The following TMEM117 variants were observed in gnomAD, a reference collection of about 807,000 sequenced individuals.
TMEM117 encodes transmembrane protein 117.
In TMEM117, 27 loss-of-function variants were observed where a neutral mutation model predicts 52.4. The observed-to-expected ratio is 0.51, with a 90% CI of 0.38 to 0.71. The LOEUF (loss-of-function observed/expected upper bound fraction) is 0.71. Ranked by LOEUF, TMEM117 falls within the 30% of genes least tolerant of loss-of-function variation. The pLI is 0.00. For synonymous variants in TMEM117, 215 were observed against 206.3 expected (o/e 1.04, Z -0.36); for missense variants, 556 against 630.5 (o/e 0.88, Z 1.26).
intron 4 of TMEM117, among the ~76,000 whole-genome samples, chr12:44,188,486 A>G (rs11834865): frequency 0.015 from 2,249 of 152,280 alleles, 37 homozygotes; most frequent in African/African-American, 0.051. Flanking sequence ...CAGAGAGCAA[A>G]GGAGGTTCTT....
chr12:43,805,279 T>C, the TMEM117 span, among the ~76,000 whole-genome samples: 1 of 152,262 alleles, frequency 6.6e-6, no homozygotes, highest in African/African-American at 2.4e-5. Flanking sequence ...TACATATTTA[T>C]ATATCGAAAT....
intron 1 of TMEM117, among the ~76,000 whole-genome samples, chr12:43,842,587 A>G (rs1238225996): frequency 6.6e-6 from 1 of 152,144 alleles, no homozygotes; most frequent in Non-Finnish European, 1.5e-5. Context: ...CTTGGAGGCT[A>G]TCTCAGATCT....
At chr12:44,397,222 A>T in the TMEM117 span, among the ~76,000 whole-genome samples, 1 of 152,184 alleles carries the variant, frequency 6.6e-6, no homozygotes, top group African/African-American at 2.4e-5. Flanking sequence ...CTGAAACAAG[A>T]GTGCAATATC....
At chr12:43,955,129 G>T (rs572662184) in intron 3 of TMEM117, among the ~76,000 whole-genome samples, 2 of 152,208 alleles carry the variant, frequency 1.3e-5, no homozygotes, top group Admixed American at 1.3e-4. Flanking sequence ...GAAGGAACAT[G>T]CCTCAAAATA....
intron 4 of TMEM117, among the ~76,000 whole-genome samples, chr12:44,168,406 T>G (rs1248138863): frequency 6.6e-6 from 1 of 152,256 alleles, no homozygotes; most frequent in East Asian, 1.9e-4. Context: ...TGTGATTTAT[T>G]TTCTTTATAA....
chr12:44,200,046 G>C (rs191767968), intron 4 of TMEM117, among the ~76,000 whole-genome samples: 1 of 152,254 alleles, frequency 6.6e-6, no homozygotes, highest in African/African-American at 2.4e-5. Flanking sequence ...TTGAACCCTG[G>C]AGATGGAGGT....
At chr12:44,143,733 T>C (rs573366122) in intron 4 of TMEM117, 109 bp downstream of exon 4, 2 of 702,230 alleles carry the variant, frequency 2.8e-6, no homozygotes, top group Non-Finnish European at 4.7e-6. Flanking sequence ...TACCTCTCTT[T>C]GAGTGAAACA....
chr12:43,944,919 T>C (rs1378220796), intron 3 of TMEM117, among the ~76,000 whole-genome samples: 6 of 152,058 alleles, frequency 3.9e-5, no homozygotes, highest in African/African-American at 1.2e-4. Flanking sequence ...GAGACCATCC[T>C]AGCCAACATG....
the TMEM117 span, chr12:43,805,863 G>C: frequency 7.0e-7 from 1 of 1,424,510 alleles, no homozygotes; most frequent in Non-Finnish European, 9.4e-7. Context: ...AGCCCCAGTC[G>C]CCTCCACTGT....
intron 3 of TMEM117, among the ~76,000 whole-genome samples, chr12:44,086,071 A>G (rs565928560): frequency 2.6e-5 from 4 of 152,286 alleles, no homozygotes; most frequent in African/African-American, 9.6e-5. Flanking sequence ...TTTACTCCCA[A>G]CATCAGTTTT....
intron 3 of TMEM117, among the ~76,000 whole-genome samples, chr12:44,090,465 C>T (rs892942704): frequency 1.9e-4 from 28 of 150,826 alleles, no homozygotes; most frequent in African/African-American, 6.8e-4. Flanking sequence ...GAGACTGAGT[C>T]TCACTCTGTC....
chr12:44,114,466 C>T (rs960132524), intron 3 of TMEM117, among the ~76,000 whole-genome samples: 1 of 152,120 alleles, frequency 6.6e-6, no homozygotes, highest in Admixed American at 6.5e-5. Flanking sequence ...GAGTACTGAA[C>T]CCAGATCTCA....
At position 44,260,184 on chromosome 12, in the gene TMEM117, C is replaced by A. The variant is rs2138537364; in HGVS notation, c.609-39396C>A. ...CTAAGGCCATTATTGCCACAGATAT[C>A]TGCAGGTTAGTGAAAGGTGAGAAAG... On this transcript the variant is annotated intron_variant, in intron 5 of 7. Coordinates refer to ENST00000266534, the MANE Select transcript of TMEM117 (RefSeq NM_032256.3). Among the ~76,000 whole-genome samples the A allele has an allele frequency of 1.3e-5, 2 of 152,256 alleles. 1 individual carries two copies. Among genetic ancestry groups the A allele is most frequent in the Admixed American group, 1.3e-4 (2 of 15,292 alleles).
At chr12:44,095,198 G>A (rs1403947032) in intron 3 of TMEM117, among the ~76,000 whole-genome samples, 1 of 152,104 alleles carries the variant, frequency 6.6e-6, no homozygotes, top group Non-Finnish European at 1.5e-5. Flanking sequence ...ACACAAGCAT[G>A]TACTAGCAGT....
At chr12:43,976,088 C>A (rs988390528) in intron 3 of TMEM117, among the ~76,000 whole-genome samples, 1 of 152,134 alleles carries the variant, frequency 6.6e-6, no homozygotes, top group Non-Finnish European at 1.5e-5. Context: ...ACTTTAAATT[C>A]TACACTTGTA....
At chr12:43,804,695 A>C in the TMEM117 span, 1 of 581,616 alleles carries the variant, frequency 1.7e-6, no homozygotes, top group Admixed American at 3.3e-5. Context: ...CCTTATTATC[A>C]GTATTATAAA....
the TMEM117 span, among the ~76,000 whole-genome samples, chr12:43,817,077 C>G: frequency 1.3e-5 from 2 of 152,172 alleles, no homozygotes; most frequent in Non-Finnish European, 2.9e-5. Context: ...TTAAATGAAT[C>G]TAAATACTGG....
chr12:43,963,238 CTA>C (rs1463617267), intron 3 of TMEM117, among the ~76,000 whole-genome samples: 4 of 151,304 alleles, frequency 2.6e-5, no homozygotes, highest in Non-Finnish European at 5.9e-5. Context: ...ATATATATCT[CTA>C]TGTGTATGTG....
intron 3 of TMEM117, among the ~76,000 whole-genome samples, chr12:44,056,811 A>G (rs12319439): frequency 0.024 from 3,720 of 152,144 alleles, 82 homozygotes; most frequent in Middle Eastern, 0.058. Flanking sequence ...TGTATTTTCA[A>G]ATCTTCGTAT....
Sources: gnomAD v4.1 joint callset for allele counts (sites outside exome capture counted in the v4.1 genomes callset) on GRCh38, gnomAD v4.1.1 for gene constraint, MANE v1.5 for transcripts, NCBI Gene and HGNC (gene_info 2026-07-23, HGNC 2026-07-21) for gene names.